The following HELZ variants were observed in gnomAD, a reference collection of about 807,000 sequenced individuals.
The protein encoded by HELZ is ATP-dependent RNA helicase with zinc finger domain.
A neutral mutation model predicts 218.2 loss-of-function variants in HELZ; 23 were observed. The observed-to-expected ratio is 0.11, with a 90% CI of 0.08 to 0.15. The LOEUF is 0.15. Among genes scored for constraint, HELZ ranks in the 10% least tolerant of loss-of-function variants. The probability of loss-of-function intolerance (pLI) is 1.00; values close to 1 mark genes in which losing one functional copy is unlikely to be tolerated. For synonymous variants in HELZ, 814 were observed against 829.4 expected, an observed-to-expected ratio of 0.98 and a Z score of 0.32; for missense variants, 1,813 against 2,353.7, an observed-to-expected ratio of 0.77 and a Z score of 4.75.
chr17:67,085,660 G>C (rs543879925), intron 32 of HELZ, among the ~76,000 whole-genome samples: 17 of 151,954 alleles, frequency 1.1e-4, no homozygotes, highest in African/African-American at 4.1e-4. Flanking sequence ...ACATTCTAAA[G>C]ATGAACAAAA....
chr17:67,212,984 G>C (rs926045290), intron 5 of HELZ, among the ~76,000 whole-genome samples: 1 of 152,130 alleles, frequency 6.6e-6, no homozygotes, highest in Non-Finnish European at 1.5e-5. Flanking sequence ...TTATATTTTA[G>C]TGATTCAAAA....
rs1053578286 is a variant in HELZ at position 67,190,346 on chromosome 17, T to C, written c.567A>G (p.Glu189=). 2.5e-6 allele frequency: 4 copies of C among 1,612,150 alleles called. No homozygotes were observed. The highest frequency in any genetic ancestry group is 1.7e-5 in the Admixed American group (1 of 60,026). The change falls in exon 10 of 33, where the codon GAA becomes GAG. Residue 189 remains glutamate (E), a synonymous_variant. Transcript: ENST00000358691. The stretch of plus-strand genomic sequence containing the variant: ...GGGCACCATACCTACAGATTCCTTG[T>C]TCTAAAAATCTAAGTAGAATAGGAA... ...EEYTLCKRFL[E]QGICRYGAQC...
chr17:67,092,903 A>T (rs897172677), intron 31 of HELZ, among the ~76,000 whole-genome samples: 1 of 150,730 alleles, frequency 6.6e-6, no homozygotes, highest in Non-Finnish European at 1.5e-5. Flanking sequence ...GGGGGGGGGA[A>T]GTTGCAGTGA....
At chr17:67,144,427 A>G (rs2038429634) in intron 21 of HELZ, among the ~76,000 whole-genome samples, 1 of 151,916 alleles carries the variant, frequency 6.6e-6, no homozygotes, top group South Asian at 2.1e-4. Context: ...TAATATTTAA[A>G]GGTCACACGA....
At chr17:67,151,337 T>A (rs2038675807) in intron 17 of HELZ, 113 bp from the exon 18 acceptor site, 1 of 854,356 alleles carries the variant, frequency 1.2e-6, no homozygotes, top group African/African-American at 1.7e-5. Flanking sequence ...AAGTTACAAA[T>A]GAATCTGGTA....
intron 32 of HELZ, among the ~76,000 whole-genome samples, chr17:67,080,116 T>A (rs1333970850): frequency 6.6e-6 from 1 of 152,212 alleles, no homozygotes; most frequent in Non-Finnish European, 1.5e-5. Flanking sequence ...TAAGTTAAAA[T>A]TTTATAATCT....
At chr17:67,127,467 A>T (rs761426254) in intron 24 of HELZ, among the ~76,000 whole-genome samples, 3 of 152,256 alleles carry the variant, frequency 2.0e-5, no homozygotes, top group Non-Finnish European at 4.4e-5. Flanking sequence ...CAGTATATTA[A>T]CACAGAGAAT....
intron 26 of HELZ, 54 bp from the exon 27 acceptor site, chr17:67,120,666 T>G: frequency 8.3e-7 from 1 of 1,203,972 alleles, no homozygotes; most frequent in Non-Finnish European, 1.2e-6. Context: ...GAAGGCAAAC[T>G]GCTAGAGTGC....
chr17:67,125,557 C>T (rs2037767903), intron 24 of HELZ, among the ~76,000 whole-genome samples: 1 of 151,618 alleles, frequency 6.6e-6, no homozygotes. Context: ...ATTTAGATTT[C>T]TTATCCTCCA....
chr17:67,078,327 G>A lies in HELZ; in HGVS notation c.5754C>T (p.Asp1918=). Residue 1918 remains aspartate, a synonymous_variant, in exon 33 of 33, where the codon GAC becomes GAT. Coordinates refer to ENST00000358691, the MANE Select transcript of HELZ (RefSeq NM_014877.4). The part of the protein sequence containing the change: ...PPPEQAKKSS[D]PLSLFQELSL... The stretch of plus-strand genomic sequence containing the variant: ...TCAGTTCCTGGAAGAGAGACAGAGG[G>A]TCGCTACTCTTCTTGGCCTGCTCAG... 1 of 1,614,094 alleles carries A rather than the reference G, an allele frequency of 6.2e-7. No homozygotes were observed. Among genetic ancestry groups the A allele is most frequent in the Non-Finnish European group, 8.5e-7 (1 of 1,179,970 alleles).
chr17:67,167,335 C>T (rs1191546601), intron 14 of HELZ, 128 bp downstream of exon 14: 3 of 640,380 alleles, frequency 4.7e-6, no homozygotes, highest in Admixed American at 3.0e-5. Context: ...ATTTTCAACC[C>T]ACCACTGTAG....
chr17:67,100,182 G>A (rs35858197), intron 31 of HELZ, among the ~76,000 whole-genome samples: 28,788 of 152,028 alleles, frequency 0.19, 2,818 homozygotes, highest in African/African-American at 0.24. Context: ...GGGGAGTCAC[G>A]ATGATTAGAC....
At chr17:67,167,276 T>TA (rs1402882786) in intron 14 of HELZ, among the ~76,000 whole-genome samples, 187 bp downstream of exon 14, 1 of 152,360 alleles carries the variant, frequency 6.6e-6, no homozygotes, top group East Asian at 1.9e-4. Context: ...TTCTAAATGT[T>TA]ACTTATATTT....
At chr17:67,156,532 T>C (rs2038847227) in intron 17 of HELZ, among the ~76,000 whole-genome samples, 1 of 152,110 alleles carries the variant, frequency 6.6e-6, no homozygotes, top group Non-Finnish European at 1.5e-5. Context: ...AACTTCTACA[T>C]CACTAAATCA....
chr17:67,203,263 A>C (rs2040214402), intron 6 of HELZ, 56 bp downstream of exon 6: 1 of 1,579,818 alleles, frequency 6.3e-7, no homozygotes. Context: ...AATATACCTA[A>C]GGAATCAAAT....
At chr17:67,140,859 A>T (rs2038300288) in intron 21 of HELZ, among the ~76,000 whole-genome samples, 2 of 152,242 alleles carry the variant, frequency 1.3e-5, no homozygotes, top group African/African-American at 4.8e-5. Context: ...TTACAAAGAA[A>T]TTCCAGTAAG....
intron 27 of HELZ, among the ~76,000 whole-genome samples, chr17:67,117,552 C>CT (rs35601947): frequency 0.19 from 27,590 of 142,964 alleles, 2,738 homozygotes; most frequent in African/African-American, 0.25. Flanking sequence ...ATACTGAAAA[C>CT]TTTTTTTTTT....
intron 5 of HELZ, among the ~76,000 whole-genome samples, chr17:67,209,583 G>T (rs1292039261): frequency 6.6e-6 from 1 of 152,204 alleles, no homozygotes; most frequent in Non-Finnish European, 1.5e-5. Flanking sequence ...AGGCAACAGA[G>T]CGAGACTCTG....
At chr17:67,214,606 A>G (rs993458730) in intron 5 of HELZ, among the ~76,000 whole-genome samples, 2 of 146,484 alleles carry the variant, frequency 1.4e-5, no homozygotes, top group African/African-American at 2.5e-5. Flanking sequence ...GTAAGCAGGG[A>G]AAAAAAAAAA....
Sources: gnomAD v4.1 joint callset for allele counts (sites outside exome capture counted in the v4.1 genomes callset) on GRCh38, gnomAD v4.1.1 for gene constraint, MANE v1.5 for transcripts, NCBI Gene and HGNC (gene_info 2026-07-23, HGNC 2026-07-21) for gene names.